Variants in RAB27B observed in about 807,000 individuals in gnomAD.
RAB27B encodes ras-related protein Rab-27B.
Under a neutral mutation model 24.6 loss-of-function variants are expected in RAB27B, and 15 were observed. The observed-to-expected ratio is 0.61, with a 90% CI of 0.41 to 0.94. The LOEUF is 0.94. Ranked by LOEUF, RAB27B falls within the 40% of genes least tolerant of loss-of-function variation. The pLI is 0.00. For missense variants in RAB27B, 261 were observed against 266.8 expected (o/e 0.98, Z 0.15); for synonymous variants, 105 against 92.5 (o/e 1.14, Z -0.78).
At chr18:54,853,842 G>GT (rs968113748) in intron 1 of RAB27B, among the ~76,000 whole-genome samples, 3 of 151,968 alleles carry the variant, frequency 2.0e-5, no homozygotes, top group Non-Finnish European at 4.4e-5. Flanking sequence ...CACATCTAAT[G>GT]TTTTTTCACC....
intron 2 of RAB27B, among the ~76,000 whole-genome samples, chr18:54,781,414 TTA>T (rs1370404297): frequency 1.3e-5 from 2 of 151,962 alleles, no homozygotes; most frequent in Non-Finnish European, 2.9e-5. Context: ...TGACCACACT[TTA>T]TTAGTATTAG....
At chr18:54,739,146 T>A (rs1909992101) in intron 2 of RAB27B, among the ~76,000 whole-genome samples, 2 of 152,196 alleles carry the variant, frequency 1.3e-5, no homozygotes, top group African/African-American at 4.8e-5. Flanking sequence ...CTCAATAGTA[T>A]TCCACCATAT....
intron 2 of RAB27B, among the ~76,000 whole-genome samples, chr18:54,762,471 C>A (rs1392286611): frequency 6.6e-6 from 1 of 152,170 alleles, no homozygotes; most frequent in African/African-American, 2.4e-5. Flanking sequence ...TGAATACACT[C>A]CCCCATAGTC....
intron 2 of RAB27B, among the ~76,000 whole-genome samples, chr18:54,724,290 A>G (rs1909459515): frequency 6.6e-6 from 1 of 151,692 alleles, no homozygotes; most frequent in African/African-American, 2.4e-5. Flanking sequence ...TTGAATTCTC[A>G]GTAAACTCAA....
At chr18:54,779,448 A>G (rs1908820880) in intron 2 of RAB27B, among the ~76,000 whole-genome samples, 1 of 152,194 alleles carries the variant, frequency 6.6e-6, no homozygotes, top group Non-Finnish European at 1.5e-5. Context: ...AGAGACTCGG[A>G]GGGAGTTGGA....
chr18:54,749,861 G>A (rs1907777218), intron 2 of RAB27B, among the ~76,000 whole-genome samples: 1 of 152,124 alleles, frequency 6.6e-6, no homozygotes, highest in Admixed American at 6.6e-5. Flanking sequence ...CTCTAATAAT[G>A]TTAGCTGTGT....
chr18:54,877,731 A>T lies in RAB27B; in HGVS notation c.146A>T (p.Lys49Ile), dbSNP rs755053322. The T allele has an allele frequency of 6.3e-7, 1 of 1,579,642 alleles. No homozygotes were observed. The highest frequency in any genetic ancestry group is 8.6e-7 in the Non-Finnish European group (1 of 1,169,560). Residue 49 changes from lysine to isoleucine, a missense_variant, in exon 2 of 6, where the codon AAA (lysine) becomes ATA (isoleucine). Lys to Ile is a moderately radical substitution (Grantham distance 102). Transcript: ENST00000262094. Reference sequence around the variant, plus strand: ...ACAGTAGGAATAGACTTTCGGGAAAAACGTGTGGTGAGTTTTTAATCGTAC... The same window carrying T: ...ACAGTAGGAATAGACTTTCGGGAAATACGTGTGGTGAGTTTTTAATCGTAC... ...ITTVGIDFRE[K>I]RVVYNAQGPN...
At position 54,894,748 on chromosome 18, in the gene RAB27B, T is replaced by G. The variant is rs531858549; in HGVS notation, c.*5335T>G. The G allele has an allele frequency of 1.3e-5, 2 of 152,098 alleles. No individual in the cohort carries two copies. The highest frequency in any genetic ancestry group is 2.4e-5 in the African/African-American group (1 of 41,532). 9.4% of individuals were successfully genotyped at this position (152,098 alleles called of 1,614,324 possible). A position where few individuals can be genotyped will look rare whatever the true frequency, so the allele number is the denominator to read the frequency against. ...TAAGAAAGTGGTTTGTAAATTATGTTCCATTTCATAAATAGACACTATTCA... is the reference window on the plus strand; with the variant it reads ...TAAGAAAGTGGTTTGTAAATTATGTGCCATTTCATAAATAGACACTATTCA... On this transcript the variant is annotated 3_prime_UTR_variant, in exon 6 of 6. Transcript: ENST00000262094.
intron 2 of RAB27B, among the ~76,000 whole-genome samples, chr18:54,766,987 T>C (rs1469260709): frequency 6.6e-6 from 1 of 152,172 alleles, no homozygotes; most frequent in Non-Finnish European, 1.5e-5. Context: ...ATGCAGGCAT[T>C]TGGCCAAAGC....
At chr18:54,853,119 G>A (rs1328463348) in intron 1 of RAB27B, among the ~76,000 whole-genome samples, 1 of 152,152 alleles carries the variant, frequency 6.6e-6, no homozygotes, top group African/African-American at 2.4e-5. Flanking sequence ...CTTGCATATG[G>A]TTGATGTTCA....
At chr18:54,868,619 G>GTTGTTGTTGTTGT (rs778510840) in intron 1 of RAB27B, among the ~76,000 whole-genome samples, 1 of 151,512 alleles carries the variant, frequency 6.6e-6, no homozygotes, top group Non-Finnish European at 1.5e-5. Flanking sequence ...TGTTGTTGTT[G>GTTGTTGTTGTTGT]TTGTTTGTTT....
chr18:54,827,735 T>A (rs1910521404), upstream of RAB27B, among the ~76,000 whole-genome samples: 1 of 152,214 alleles, frequency 6.6e-6, no homozygotes, highest in Admixed American at 6.5e-5. Flanking sequence ...CGGTTGTTAT[T>A]ATAATGTACC....
intron 1 of RAB27B, among the ~76,000 whole-genome samples, chr18:54,831,234 A>G (rs1160510565): frequency 1.3e-5 from 2 of 152,204 alleles, no homozygotes; most frequent in Admixed American, 6.5e-5. Context: ...TTTAATATCA[A>G]TCAGAGGCAA....
chr18:54,848,405 G>T (rs984664577), intron 1 of RAB27B, among the ~76,000 whole-genome samples: 25 of 152,058 alleles, frequency 1.6e-4, no homozygotes, highest in African/African-American at 5.1e-4. Context: ...AAAAATCATG[G>T]AATTTATTCA....
rs1913312733 is a variant in RAB27B, at chr18:54,890,169, A to G, written c.*756A>G. The G allele has an allele frequency of 6.6e-6, 1 of 152,150 alleles. No individual in the cohort carries two copies. The highest frequency in any genetic ancestry group is 1.5e-5 in the Non-Finnish European group (1 of 67,988). 9.4% of individuals were successfully genotyped at this position (152,150 alleles called of 1,614,324 possible). A position where few individuals can be genotyped will look rare whatever the true frequency, so the allele number is the denominator to read the frequency against. ...ACAGCTGAAATTCAATGTATCTGTT[A>G]GAGATGTCTGGAAGGGTTACTTAGC... On this transcript the variant is annotated 3_prime_UTR_variant, in exon 6 of 6. Transcript: ENST00000262094.
chr18:54,744,157 G>A (rs1417652406), intron 2 of RAB27B, among the ~76,000 whole-genome samples: 4 of 152,134 alleles, frequency 2.6e-5, no homozygotes, highest in Non-Finnish European at 5.9e-5. Context: ...GTGAGCCATG[G>A]CTACTTGTAT....
At chr18:54,760,992 ATTC>A (rs1908168714) in intron 2 of RAB27B, among the ~76,000 whole-genome samples, 1 of 108,578 alleles carries the variant, frequency 9.2e-6, no homozygotes. Context: ...AAGGAGAGGT[ATTC>A]TTTTTTTTTT....
chr18:54,753,603 TACGCATGATTTATAATTTATTTTG>T (rs1907905215), intron 2 of RAB27B, among the ~76,000 whole-genome samples: 1 of 152,252 alleles, frequency 6.6e-6, no homozygotes, highest in South Asian at 2.1e-4. Flanking sequence ...AGTGCAGTTC[TACGCATGATTTATAATTTATTTTG>T]TTATTTGTTT....
At chr18:54,823,340 C>G (rs1910369241) in intron 2 of RAB27B, among the ~76,000 whole-genome samples, 2 of 152,244 alleles carry the variant, frequency 1.3e-5, no homozygotes, top group Middle Eastern at 3.4e-3. Context: ...AGGGGCACAC[C>G]CGTGCATAAC....
Sources: allele counts gnomAD v4.1 joint callset (sites outside exome capture counted in the v4.1 genomes callset), GRCh38; gene constraint gnomAD v4.1.1; transcripts MANE v1.5; gene names NCBI Gene and HGNC (gene_info 2026-07-23, HGNC 2026-07-21).